Variants in ATRAID observed in about 807,000 individuals in gnomAD.
ATRAID encodes the protein all-trans retinoic acid induced differentiation factor.
Under a neutral mutation model 28.8 loss-of-function variants are expected in ATRAID, and 26 were observed. That is an observed-to-expected ratio of 0.90 (90% CI 0.66 to 1.25). The LOEUF is 1.25. Ranked by LOEUF, ATRAID falls within the 50% of genes most tolerant of loss-of-function variation. The probability of loss-of-function intolerance (pLI) is 0.00; values close to 1 mark genes in which losing one functional copy is unlikely to be tolerated. For missense variants in ATRAID, 308 were observed against 285.9 expected (o/e 1.08, Z -0.56); for synonymous variants, 131 against 108.5 (o/e 1.21, Z -1.29).
intron 1 of ATRAID, 157 bp downstream of exon 1, chr2:27,212,624 C>T (rs1251011684): frequency 1.4e-6 from 2 of 1,416,444 alleles, no homozygotes; most frequent in Non-Finnish European, 9.2e-7. Context: ...TTCCCAAGTA[C>T]TCACGTCGTG....
intron 5 of ATRAID, 26 bp from the exon 6 acceptor site, chr2:27,216,497 G>A (rs1674838441): frequency 1.3e-6 from 2 of 1,515,330 alleles, no homozygotes; most frequent in South Asian, 2.2e-5. Flanking sequence ...ATAAAGTGAT[G>A]TTCTCTATTT....
At chr2:27,213,985 GC>G (rs1236230770) in intron 2 of ATRAID, among the ~76,000 whole-genome samples, 3 of 152,004 alleles carry the variant, frequency 2.0e-5, no homozygotes, top group Non-Finnish European at 2.9e-5. Flanking sequence ...CACTCTTGTT[GC>G]CCAGGCTGGA....
intron 1 of ATRAID, chr2:27,212,803 T>C: frequency 1.7e-6 from 1 of 581,672 alleles, no homozygotes; most frequent in Non-Finnish European, 2.7e-6. Flanking sequence ...GGCTGTACTT[T>C]TGTAATGCTT....
At chr2:27,215,839 A>G (rs1674804286) in intron 5 of ATRAID, 86 bp downstream of exon 5, 21 of 1,534,414 alleles carry the variant, frequency 1.4e-5, no homozygotes, top group Admixed American at 1.9e-5. Context: ...AAGTTGCTTA[A>G]GCGCCTTTCA....
chr2:27,216,427 G>A, intron 5 of ATRAID, 96 bp from the exon 6 acceptor site: 2 of 995,692 alleles, frequency 2.0e-6, no homozygotes, highest in South Asian at 2.7e-5. Context: ...CTTTATCCTA[G>A]CAATGATTGA....
chr2:27,216,983 C>CT lies in ATRAID; in HGVS notation c.*36dup. ...GTCTTACCATTGACCTAAGATCAATCTGAACTATCTTAGCCCAGTCAGGGA... is the reference window on the plus strand; with the variant it reads ...GTCTTACCATTGACCTAAGATCAATCTTGAACTATCTTAGCCCAGTCAGGGA... On this transcript the variant is annotated 3_prime_UTR_variant, in exon 7 of 7. Coordinates refer to ENST00000380171, the MANE Select transcript of ATRAID (RefSeq NM_001170795.4). 1 of 1,541,308 alleles carries CT rather than the reference C, an allele frequency of 6.5e-7. No homozygotes were observed. The highest frequency in any genetic ancestry group is 8.9e-7 in the Non-Finnish European group (1 of 1,121,636).
intron 2 of ATRAID, among the ~76,000 whole-genome samples, chr2:27,214,432 T>G (rs1674747695): frequency 6.6e-6 from 1 of 151,916 alleles, no homozygotes; most frequent in Admixed American, 6.6e-5. Flanking sequence ...TTTTTTAATT[T>G]AAAGGCCCTC....
chr2:27,212,759 C>A, intron 1 of ATRAID: 1 of 859,180 alleles, frequency 1.2e-6, no homozygotes, highest in Non-Finnish European at 1.6e-6. Context: ...TGTAATCTCT[C>A]TACGCACGAA....
At chr2:27,214,776 C>T (rs375610068) in intron 2 of ATRAID, among the ~76,000 whole-genome samples, 4 of 152,242 alleles carry the variant, frequency 2.6e-5, no homozygotes, top group South Asian at 2.1e-4. Context: ...TGCTTGAACC[C>T]GGGAGATGGA....
In ATRAID at chr2:27,216,596, C is replaced by T. The variant is rs752333527; in HGVS notation, c.561C>T (p.Phe187=). Residue 187 remains phenylalanine, a synonymous_variant, in exon 6 of 7, where the codon TTC becomes TTT. Transcript: ENST00000380171. The stretch of plus-strand genomic sequence containing the variant: ...TGCAGTGTGTTTGTGCTGATGGTTT[C>T]CATGGATACAAGTGTATGCGCCAGG... ...GLLQCVCADG[F]HGYKCMRQGS... 5 of 1,613,940 alleles carry T rather than the reference C, an allele frequency of 3.1e-6. No individual in the cohort carries two copies.
At chr2:27,213,153 C>T (rs1225702694) in intron 1 of ATRAID, 24 bp from the exon 2 acceptor site, 2 of 1,600,856 alleles carry the variant, frequency 1.2e-6, no homozygotes, top group Admixed American at 3.4e-5. Context: ...TTCTGGAGTT[C>T]TAATGTTTCT....
chr2:27,215,821 GAAAGAC>G, intron 5 of ATRAID, 68 bp downstream of exon 5: 1 of 1,573,626 alleles, frequency 6.4e-7, no homozygotes, highest in East Asian at 2.2e-5. Context: ...CTTTAGATCA[GAAAGAC>G]AAAGTTGCTT....
Position 27,212,349 on chromosome 2 carries a change from G to A in ATRAID, c.-20G>A. The A allele has an allele frequency of 6.5e-7, 1 of 1,550,074 alleles. No homozygotes were observed. On this transcript the variant is annotated 5_prime_UTR_variant, in exon 1 of 7. Coordinates refer to ENST00000380171, the MANE Select transcript of ATRAID (RefSeq NM_001170795.4). ...GCGGGGCCGGGTCGCGCGAGCAGCG[G>A]AGCACCAAGGGAACGGAAAATGGCG...
In ATRAID at chr2:27,212,381, GA is replaced by G; in HGVS notation, c.14del (p.Asp5AlafsTer54). 6.4e-7 allele frequency: 1 copy of G among 1,550,606 alleles called. No homozygotes were observed. Among genetic ancestry groups the G allele is most frequent in the African/African-American group, 1.4e-5 (1 of 73,128 alleles). The part of the protein sequence containing the change: MAPH[D>X]PGSLTTLVPW... Reference sequence around the variant, plus strand: ...AAGGGAACGGAAAATGGCGCCTCACGACCCGGGTAGTCTTACGACCCTGGTG... The same window carrying G: ...AAGGGAACGGAAAATGGCGCCTCACGCCCGGGTAGTCTTACGACCCTGGTG... On this transcript the variant is annotated frameshift_variant, in exon 1 of 7. Transcript: ENST00000380171. LOFTEE classifies it high-confidence loss of function.
rs199987825 is a variant in ATRAID, at chr2:27,212,198, G to C, written c.-171G>C. On this transcript the variant is annotated 5_prime_UTR_variant, in exon 1 of 7. Coordinates refer to ENST00000380171, the MANE Select transcript of ATRAID (RefSeq NM_001170795.4). ...GGCCAGTATCCCCGAAAGAGGGCTA[G>C]GGCGCATGAAGACCAGCGCAGAGCT... 4 of 1,553,282 alleles carry C rather than the reference G, an allele frequency of 2.6e-6. No individual in the cohort carries two copies.
Position 27,215,730 on chromosome 2 carries a change from T to C in ATRAID, c.464T>C (p.Leu155Pro). ...CAAATCTGTCAAGGGCAAAAGAACC[T>C]TTGCAATAACACTGGGGACCCAGGT... ...DNQICQGQKNLCNNTGDPEMC... is the reference protein window; with the variant it reads ...DNQICQGQKNPCNNTGDPEMC... Residue 155 changes from leucine (L) to proline (P), a missense_variant, in exon 5 of 7, where the codon CTT becomes CCT. Transcript: ENST00000380171. The C allele has an allele frequency of 6.2e-7, 1 of 1,614,220 alleles. No homozygotes were observed. Among genetic ancestry groups the C allele is most frequent in the Non-Finnish European group, 8.5e-7 (1 of 1,180,040 alleles).
At chr2:27,213,370 T>C in intron 2 of ATRAID, 72 bp downstream of exon 2, 16 of 1,527,142 alleles carry the variant, frequency 1.0e-5, no homozygotes, top group Non-Finnish European at 1.4e-5. Context: ...ACCCTTATAT[T>C]ATTTAAAGAA....
intron 6 of ATRAID, 109 bp from the exon 7 acceptor site, chr2:27,216,735 T>G: frequency 7.0e-7 from 1 of 1,426,560 alleles, no homozygotes. Context: ...TGGAAAACTA[T>G]AGAATTGCCC....
At chr2:27,215,191 AGT>A (rs1458197148) in intron 2 of ATRAID, 128 bp from the exon 3 acceptor site, 2 of 843,644 alleles carry the variant, frequency 2.4e-6, no homozygotes, top group East Asian at 2.6e-5. Flanking sequence ...CACAGCTCCT[AGT>A]GTGTGACTCT....
Sources: gnomAD v4.1 joint callset for allele counts (sites outside exome capture counted in the v4.1 genomes callset) on GRCh38, gnomAD v4.1.1 for gene constraint, MANE v1.5 for transcripts, NCBI Gene and HGNC (gene_info 2026-07-23, HGNC 2026-07-21) for gene names.